Variants in DNAH8 observed in about 807,000 individuals in gnomAD.
DNAH8 encodes the protein axonemal beta dynein heavy chain 8.
In DNAH8, 382 loss-of-function variants were observed where a neutral mutation model predicts 562.1. The ratio of observed to expected loss-of-function variants is 0.68; its 90% CI spans 0.63 to 0.74. The LOEUF is 0.74. Ranked by LOEUF, DNAH8 falls within the 30% of genes least tolerant of loss-of-function variation. The probability of loss-of-function intolerance (pLI) is 0.00; values close to 1 mark genes in which losing one functional copy is unlikely to be tolerated. For missense variants in DNAH8, 5,203 were observed against 5,620.4 expected (o/e 0.93, Z 2.37); for synonymous variants, 1,881 against 1,919.4 (o/e 0.98, Z 0.52).
chr6:38,819,431 A>C (rs948847855), intron 26 of DNAH8, among the ~76,000 whole-genome samples: 1 of 152,054 alleles, frequency 6.6e-6, no homozygotes, highest in East Asian at 1.9e-4. Flanking sequence ...TATACATTTT[A>C]CCTATTTCTT....
At chr6:38,848,592 C>G in intron 36 of DNAH8, 56 bp from the exon 37 acceptor site, 1 of 1,422,998 alleles carries the variant, frequency 7.0e-7, no homozygotes, top group Non-Finnish European at 9.8e-7. Flanking sequence ...TCGGTAAGGC[C>G]ATACTATTTT....
chr6:38,795,789 G>A (rs1262744751), intron 21 of DNAH8, among the ~76,000 whole-genome samples: 1 of 152,100 alleles, frequency 6.6e-6, no homozygotes, highest in Admixed American at 6.5e-5. Flanking sequence ...TCACACTCCT[G>A]ACTGCAATCA....
intron 80 of DNAH8, among the ~76,000 whole-genome samples, chr6:38,948,530 G>T (rs1761616858): frequency 6.6e-6 from 1 of 151,818 alleles, no homozygotes; most frequent in Admixed American, 6.6e-5. Context: ...GTAGAGACAG[G>T]GTTTCTCCAT....
chr6:38,793,314 T>A lies in DNAH8; in HGVS notation c.2901+1640T>A, dbSNP rs1738243. Among the ~76,000 whole-genome samples the A allele has an allele frequency of 3.5e-3, 535 of 152,140 alleles. 3 individuals are homozygous for A. Among genetic ancestry groups the A allele is most frequent in the Middle Eastern group, 0.014 (4 of 294 alleles). On this transcript the variant is annotated intron_variant, in intron 21 of 92. Transcript: ENST00000327475. ...GATTATAAGTGTGAGCCACCTTGCC[T>A]GTGAGATGACCCGTTTTAACATCCT...
chr6:38,720,134 T>A (rs533673475), intron 1 of DNAH8, among the ~76,000 whole-genome samples: 96 of 152,282 alleles, frequency 6.3e-4, no homozygotes, highest in African/African-American at 2.1e-3. Context: ...GTTTCTCTAA[T>A]GGGAAAAGTG....
At chr6:38,829,082 A>G (rs992622587) in intron 30 of DNAH8, among the ~76,000 whole-genome samples, 6 of 152,216 alleles carry the variant, frequency 3.9e-5, no homozygotes, top group African/African-American at 1.4e-4. Flanking sequence ...CTAATGCCTA[A>G]TGAGATAGAG....
chr6:38,833,576 G>A (rs1774027657), intron 31 of DNAH8, among the ~76,000 whole-genome samples: 1 of 152,114 alleles, frequency 6.6e-6, no homozygotes, highest in South Asian at 2.1e-4. Flanking sequence ...ATTAGAAACA[G>A]CTTAACTAAT....
chr6:39,023,339 A>G (rs1423233656), intron 91 of DNAH8, among the ~76,000 whole-genome samples: 13 of 152,106 alleles, frequency 8.5e-5, no homozygotes, highest in Non-Finnish European at 1.5e-5. Flanking sequence ...AAAAAATACA[A>G]AAAATTAGCT....
At chr6:38,970,783 G>T (rs1763282805) in intron 82 of DNAH8, among the ~76,000 whole-genome samples, 1 of 152,126 alleles carries the variant, frequency 6.6e-6, no homozygotes, top group Non-Finnish European at 1.5e-5. Context: ...AAGAAAATTT[G>T]GGTCCACAAG....
At position 38,934,756 on chromosome 6, in the gene DNAH8, G is replaced by T. The variant is rs113966098; in HGVS notation, c.11458-836G>T. ...CTACACTTATGTAAAAGAATGACCT[G>T]GTTCTTCAGAGATTTGCTAAAGTGT... is the stretch of plus-strand genomic sequence containing the variant. On this transcript the variant is annotated intron_variant, in intron 76 of 92. Transcript: ENST00000327475. 2.0e-5 allele frequency among the ~76,000 whole-genome samples: 3 copies of T among 152,208 alleles called. 1 individual carries two copies. Among genetic ancestry groups the T allele is most frequent in the African/African-American group, 7.2e-5 (3 of 41,532 alleles).
intron 81 of DNAH8, among the ~76,000 whole-genome samples, chr6:38,950,690 T>C (rs1761839411): frequency 6.6e-6 from 1 of 152,130 alleles, no homozygotes; most frequent in Non-Finnish European, 1.5e-5. Context: ...CTGCCAGCCT[T>C]GGCCTTCCAA....
At chr6:38,984,144 G>T in intron 86 of DNAH8, 62 bp from the exon 87 acceptor site, 1 of 976,238 alleles carries the variant, frequency 1.0e-6, no homozygotes, top group South Asian at 1.6e-5. Context: ...GGAAAGACCC[G>T]AAATGTTTAT....
At chr6:38,844,539 T>TATA (rs1175750831) in intron 35 of DNAH8, among the ~76,000 whole-genome samples, 3 of 152,346 alleles carry the variant, frequency 2.0e-5, no homozygotes, top group Middle Eastern at 3.4e-3. Flanking sequence ...AGAAACACTT[T>TATA]GGTGACCATC....
intron 7 of DNAH8, among the ~76,000 whole-genome samples, chr6:38,739,698 C>G (rs552245503): frequency 6.6e-6 from 1 of 152,244 alleles, no homozygotes; most frequent in African/African-American, 2.4e-5. Flanking sequence ...CTTAAAATGT[C>G]CTTGCGTTTC....
chr6:38,731,659 C>T lies in DNAH8; in HGVS notation c.610+1673C>T, dbSNP rs111484064. On this transcript the variant is annotated intron_variant, in intron 4 of 92. Coordinates refer to ENST00000327475, the MANE Select transcript of DNAH8 (RefSeq NM_001206927.2). ...CACATATTTTTAATCATTATTTTTG[C>T]TACTTACAAAAGTACATTTATCAGT... Among the ~76,000 whole-genome samples the T allele has an allele frequency of 1.1e-4, 16 of 152,316 alleles. 1 individual carries two copies. The highest frequency in any genetic ancestry group is 3.1e-4 in the African/African-American group (13 of 41,564).
intron 41 of DNAH8, among the ~76,000 whole-genome samples, chr6:38,854,538 A>G (rs2150395264): frequency 6.6e-6 from 1 of 152,316 alleles, no homozygotes; most frequent in Non-Finnish European, 1.5e-5. Flanking sequence ...TAATATTGTG[A>G]TTTTTATATT....
At chr6:38,860,355 G>A (rs184422060) in intron 42 of DNAH8, 102 bp from the exon 43 acceptor site, 43 of 560,626 alleles carry the variant, frequency 7.7e-5, no homozygotes, top group Non-Finnish European at 1.1e-5. Flanking sequence ...TTGTTAATAA[G>A]AATCAGTTCA....
At chr6:38,842,614 T>G (rs1774907862) in intron 34 of DNAH8, 49 bp from the exon 35 acceptor site, 3 of 1,594,942 alleles carry the variant, frequency 1.9e-6, no homozygotes, top group Non-Finnish European at 2.6e-6. Flanking sequence ...AAAACCTTCC[T>G]CAAATAAATG....
chr6:38,956,084 A>C (rs1336092799), intron 82 of DNAH8, among the ~76,000 whole-genome samples: 1 of 152,194 alleles, frequency 6.6e-6, no homozygotes, highest in African/African-American at 2.4e-5. Context: ...AGTGAACTTG[A>C]AAGTTGCCCT....
Sources: gnomAD v4.1 joint callset for allele counts (sites outside exome capture counted in the v4.1 genomes callset) on GRCh38, gnomAD v4.1.1 for gene constraint, MANE v1.5 for transcripts, NCBI Gene and HGNC (gene_info 2026-07-23, HGNC 2026-07-21) for gene names.